The following PEF1 variants were observed in gnomAD, a reference collection of about 807,000 sequenced individuals.
PEF1 encodes penta-EF-hand domain containing 1.
In PEF1, 17 loss-of-function variants were observed where a neutral mutation model predicts 32.0. The observed-to-expected ratio is 0.53, with a 90% confidence interval of 0.36 to 0.80. The LOEUF (loss-of-function observed/expected upper bound fraction) is 0.80. Ranked by LOEUF, PEF1 falls within the 30% of genes least tolerant of loss-of-function variation. The probability of loss-of-function intolerance (pLI) is 0.00; values close to 1 mark genes in which losing one functional copy is unlikely to be tolerated. For synonymous variants in PEF1, 130 were observed against 139.8 expected (o/e 0.93, Z 0.50); for missense variants, 362 against 369.1 (o/e 0.98, Z 0.16).
chr1:31,630,281 T>C lies in PEF1; in HGVS notation c.*332A>G, dbSNP rs764209658. 5.0e-5 allele frequency: 18 copies of C among 357,042 alleles called. 1 individual carries two copies. Among genetic ancestry groups the C allele is most frequent in the Middle Eastern group, 8.6e-4 (1 of 1,158 alleles). The allele number at this position is 357,042 out of a possible 1,614,324, so 22.1% of individuals were successfully genotyped here. A position where few individuals can be genotyped will look rare whatever the true frequency, so the allele number is the denominator to read the frequency against. On this transcript the variant is annotated 3_prime_UTR_variant, in exon 5 of 5. Coordinates refer to ENST00000373703, the MANE Select transcript of PEF1 (RefSeq NM_012392.4). ...GGCCGATGAACACTCACCACTGGCATCAGGGTGGAGCTCAGCTGACTGGAC... is the reference window on the plus strand; with the variant it reads ...GGCCGATGAACACTCACCACTGGCACCAGGGTGGAGCTCAGCTGACTGGAC...
chr1:31,632,434 A>AG (rs1640132418), intron 4 of PEF1, 61 bp downstream of exon 4: 2 of 1,611,994 alleles, frequency 1.2e-6, no homozygotes, highest in Non-Finnish European at 1.7e-6. Context: ...GTTGTATCTT[A>AG]GGGTGTAAAG....
chr1:31,639,281 C>T (rs929119436), intron 1 of PEF1, among the ~76,000 whole-genome samples: 6 of 152,194 alleles, frequency 3.9e-5, no homozygotes, highest in African/African-American at 1.2e-4. Flanking sequence ...TCTATACACT[C>T]GTTGACCAAG....
intron 1 of PEF1, among the ~76,000 whole-genome samples, chr1:31,640,782 T>A (rs1003184927): frequency 3.9e-5 from 6 of 152,070 alleles, no homozygotes; most frequent in Non-Finnish European, 7.4e-5. Flanking sequence ...TCTTTCCAGT[T>A]CTGAGGACTC....
At chr1:31,632,309 G>A in intron 4 of PEF1, 186 bp downstream of exon 4, 1 of 1,014,456 alleles carries the variant, frequency 9.9e-7, no homozygotes, top group South Asian at 1.3e-5. Flanking sequence ...TCCTTGCCCT[G>A]GCTCTTGGCT....
At chr1:31,643,376 A>T (rs1474025567) in intron 1 of PEF1, among the ~76,000 whole-genome samples, 15 of 152,230 alleles carry the variant, frequency 9.9e-5, no homozygotes, top group Admixed American at 9.8e-4. Context: ...TCCTATATTA[A>T]CAATATCTAT....
Position 31,632,575 on chromosome 1 carries a change from A to G in PEF1, c.545T>C (p.Phe182Ser). The G allele has an allele frequency of 6.2e-7, 1 of 1,614,182 alleles. No homozygotes were observed. The highest frequency in any genetic ancestry group is 1.7e-5 in the Admixed American group (1 of 60,024). ...GAAGAGGTTCTTCCACTGCTGGATG[A>G]ATTTCCACAGGGCTGAGAAGCCGTA... ...DVYGFSALWK[F>S]IQQWKNLFQQ... is the part of the protein sequence containing the mutation. Residue 182 changes from phenylalanine to serine, a missense_variant, in exon 4 of 5, where the codon TTC becomes TCC. Physicochemically the swap from Phe to Ser is radical, Grantham distance 155. Transcript: ENST00000373703.
At chr1:31,641,653 T>C (rs1336383190) in intron 1 of PEF1, among the ~76,000 whole-genome samples, 1 of 152,244 alleles carries the variant, frequency 6.6e-6, no homozygotes, top group Non-Finnish European at 1.5e-5. Flanking sequence ...CATTCCTTTC[T>C]TCACTCAGCT....
chr1:31,632,783 C>T (rs991145402), intron 3 of PEF1, 145 bp from the exon 4 acceptor site: 16 of 935,038 alleles, frequency 1.7e-5, no homozygotes, highest in South Asian at 1.7e-5. Context: ...GATGCCTGCA[C>T]CTGAGACACC....
intron 3 of PEF1, 139 bp downstream of exon 3, chr1:31,633,020 T>C: frequency 9.6e-7 from 1 of 1,046,712 alleles, no homozygotes. Context: ...GATCTCACCC[T>C]GAACCTAGCT....
In PEF1 at chr1:31,635,256, G is replaced by C. The variant is rs1476319197; in HGVS notation, c.291C>G (p.Ser97=). Residue 97 remains serine, a synonymous_variant, in exon 2 of 5, where the codon TCC becomes TCG. Coordinates refer to ENST00000373703, the MANE Select transcript of PEF1 (RefSeq NM_012392.4). ...AAAGCCCAGGCTGCTGGGCACCGTA[G>C]GAACTTGGAGGTGGCTGACCATAGG... is the stretch of plus-strand genomic sequence containing the variant. The part of the protein sequence containing the change: ...GGPYGQPPPS[S]YGAQQPGLYG... 6.8e-6 allele frequency: 11 copies of C among 1,614,068 alleles called. No individual in the cohort carries two copies. The highest frequency in any genetic ancestry group is 1.3e-5 in the African/African-American group (1 of 74,926).
chr1:31,642,110 G>A (rs1004913458), intron 1 of PEF1, among the ~76,000 whole-genome samples: 12 of 152,224 alleles, frequency 7.9e-5, no homozygotes, highest in African/African-American at 2.9e-4. Flanking sequence ...GCGTGCGCCT[G>A]TAATTCCAGC....
chr1:31,642,724 G>T (rs1640432500), intron 1 of PEF1, among the ~76,000 whole-genome samples: 1 of 152,146 alleles, frequency 6.6e-6, no homozygotes. Flanking sequence ...AGGCAGCATG[G>T]CATCATGAGA....
intron 1 of PEF1, among the ~76,000 whole-genome samples, 194 bp from the exon 2 acceptor site, chr1:31,635,716 C>T (rs369101492): frequency 3.3e-5 from 5 of 152,126 alleles, no homozygotes; most frequent in East Asian, 1.9e-4. Context: ...AAAGTCACCC[C>T]GCCAATGACC....
At chr1:31,638,913 T>C (rs1243948544) in intron 1 of PEF1, among the ~76,000 whole-genome samples, 1 of 152,234 alleles carries the variant, frequency 6.6e-6, no homozygotes, top group Non-Finnish European at 1.5e-5. Flanking sequence ...GTAAATGAAG[T>C]CCTGCCCTTA....
intron 1 of PEF1, among the ~76,000 whole-genome samples, chr1:31,640,960 A>G (rs1363866512): frequency 1.3e-5 from 2 of 152,192 alleles, no homozygotes; most frequent in African/African-American, 2.4e-5. Flanking sequence ...AAGGGGTTAA[A>G]CAATCACAGG....
chr1:31,637,797 G>A (rs922595839), intron 1 of PEF1, among the ~76,000 whole-genome samples: 4 of 152,092 alleles, frequency 2.6e-5, no homozygotes, highest in African/African-American at 9.7e-5. Flanking sequence ...ACATTCTGAG[G>A]GGGCTCTGAA....
At chr1:31,640,591 AG>A (rs541699544) in intron 1 of PEF1, among the ~76,000 whole-genome samples, 2 of 152,262 alleles carry the variant, frequency 1.3e-5, no homozygotes, top group East Asian at 3.9e-4. Flanking sequence ...CCCAGCACCT[AG>A]AGTCACTTTG....
Position 31,630,132 on chromosome 1 carries a change from G to A in PEF1, c.*481C>T, listed in dbSNP as rs572188808. The A allele has an allele frequency of 1.2e-3, 225 of 188,760 alleles. No homozygotes were observed. Among genetic ancestry groups the A allele is most frequent in the Middle Eastern group, 2.6e-3 (1 of 392 alleles). The allele number at this position is 188,760 out of a possible 1,614,324, so 11.7% of individuals were successfully genotyped here. A position where few individuals can be genotyped will look rare whatever the true frequency, so the allele number is the denominator to read the frequency against. On this transcript the variant is annotated 3_prime_UTR_variant, in exon 5 of 5. Transcript: ENST00000373703. The stretch of plus-strand genomic sequence containing the variant: ...TAACACACAAGGATTTATGGGTGTG[G>A]CAGAATCCAAGCCACTGGTCCCATA...
intron 2 of PEF1, among the ~76,000 whole-genome samples, chr1:31,633,605 T>C (rs1640175692): frequency 6.6e-6 from 1 of 152,194 alleles, no homozygotes; most frequent in Non-Finnish European, 1.5e-5. Flanking sequence ...CCCTGTAGCA[T>C]TTCAAGAATT....
Sources: allele counts gnomAD v4.1 joint callset (sites outside exome capture counted in the v4.1 genomes callset), GRCh38; gene constraint gnomAD v4.1.1; transcripts MANE v1.5; gene names NCBI Gene and HGNC (gene_info 2026-07-23, HGNC 2026-07-21).